The following PIK3C2G variants were observed in gnomAD, a reference collection of about 807,000 sequenced individuals.
The protein encoded by PIK3C2G is phosphatidylinositol 3-kinase C2 domain-containing subunit gamma.
A neutral mutation model predicts 181.1 loss-of-function variants in PIK3C2G; 168 were observed. That is an observed-to-expected ratio of 0.93 (90% CI 0.82 to 1.05). PIK3C2G has a LOEUF of 1.05. PIK3C2G is among the 50% of genes least tolerant of loss of function. The pLI is 0.00. For missense variants in PIK3C2G, 1,869 were observed against 1,732.8 expected, an observed-to-expected ratio of 1.08 and a Z score of -1.40; for synonymous variants, 573 against 592.2, an observed-to-expected ratio of 0.97 and a Z score of 0.47.
At chr12:18,284,643 T>C (rs1031615951) in intron 2 of PIK3C2G, among the ~76,000 whole-genome samples, 14 of 152,128 alleles carry the variant, frequency 9.2e-5, no homozygotes, top group African/African-American at 3.4e-4. Context: ...ATGGCTAGCC[T>C]AGTGATGATC....
intron 24 of PIK3C2G, among the ~76,000 whole-genome samples, chr12:18,516,067 T>A (rs1298667769): frequency 6.6e-6 from 1 of 152,126 alleles, no homozygotes; most frequent in Non-Finnish European, 1.5e-5. Flanking sequence ...TACCAGTGAT[T>A]TTAATACATT....
At position 18,316,376 on chromosome 12, in the gene PIK3C2G, T is replaced by A. The variant is rs1392231407; in HGVS notation, c.1137+2312T>A. On this transcript the variant is annotated intron_variant, in intron 6 of 32. Coordinates refer to ENST00000538779, the MANE Select transcript of PIK3C2G (RefSeq NM_001288772.2). ...TGCTGTCATCACCGTTGTTGTCATG[T>A]CCAGGGACAAGCATATTGTTATCTC... is the stretch of plus-strand genomic sequence containing the variant. Among the ~76,000 whole-genome samples, 3 of 152,212 alleles carry A rather than the reference T, an allele frequency of 2.0e-5. No individual in the cohort carries two copies. In the East Asian group the frequency reaches 5.8e-4, roughly 29 times the overall value.
chr12:18,295,778 A>G (rs1949912645), intron 5 of PIK3C2G, among the ~76,000 whole-genome samples: 1 of 151,142 alleles, frequency 6.6e-6, no homozygotes, highest in East Asian at 1.9e-4. Flanking sequence ...TAAGAGTAAT[A>G]GCCTATTTGT....
chr12:18,289,443 G>A (rs1949592991), intron 3 of PIK3C2G, among the ~76,000 whole-genome samples: 1 of 152,116 alleles, frequency 6.6e-6, no homozygotes, highest in Non-Finnish European at 1.5e-5. Flanking sequence ...GCATTGAGGA[G>A]TGTCTTATTA....
At chr12:18,643,193 T>A (rs1949928855) in intron 32 of PIK3C2G, among the ~76,000 whole-genome samples, 1 of 152,194 alleles carries the variant, frequency 6.6e-6, no homozygotes, top group Admixed American at 6.5e-5. Flanking sequence ...TAATTCTTGC[T>A]GTGCACATAA....
At chr12:18,317,570 AT>A (rs747414865) in intron 6 of PIK3C2G, among the ~76,000 whole-genome samples, 5 of 152,186 alleles carry the variant, frequency 3.3e-5, no homozygotes, top group Admixed American at 2.6e-4. Context: ...ATGAAGTCCT[AT>A]GGAGATATGT....
chr12:18,393,238 T>G (rs1943645751), intron 15 of PIK3C2G, among the ~76,000 whole-genome samples: 1 of 152,074 alleles, frequency 6.6e-6, no homozygotes, highest in African/African-American at 2.4e-5. Flanking sequence ...CTAATAACAC[T>G]CATAAAATAA....
In PIK3C2G at chr12:18,646,068, T is replaced by G. The variant is rs138203772; in HGVS notation, c.4309-1808T>G. 2.1e-4 allele frequency among the ~76,000 whole-genome samples: 32 copies of G among 152,232 alleles called. No homozygotes were observed. In the East Asian group the frequency reaches 6.2e-3, roughly 29 times the overall value. ...GTCCTAGAAAGATTTCCAGGCAGCA[T>G]TGGGCATCCAGTTGTTAAAAAGCAT... On this transcript the variant is annotated intron_variant, in intron 32 of 32. Transcript: ENST00000538779.
chr12:18,325,976 T>C (rs1355205420), intron 8 of PIK3C2G, among the ~76,000 whole-genome samples: 1 of 152,086 alleles, frequency 6.6e-6, no homozygotes, highest in Non-Finnish European at 1.5e-5. Flanking sequence ...TAGAAGGACA[T>C]TTCATTAGCC....
chr12:18,708,285 G>C, the PIK3C2G span, among the ~76,000 whole-genome samples: 1 of 151,934 alleles, frequency 6.6e-6, no homozygotes, highest in Admixed American at 6.6e-5. Flanking sequence ...ATTTCTTTCT[G>C]TGTCTGGCTT....
downstream of PIK3C2G, among the ~76,000 whole-genome samples, chr12:18,650,686 GTGTGTGTGTGTGTGTGTGTATATATC>G (rs1565602167): frequency 5.8e-3 from 255 of 43,900 alleles, 2 homozygotes; most frequent in East Asian, 0.046. Context: ...GTGTGTGTGT[GTGTGTGTGTGTGTGTGTGTATATATC>G]TATATATATA....
chr12:18,719,192 G>A, the PIK3C2G span, among the ~76,000 whole-genome samples: 2 of 152,224 alleles, frequency 1.3e-5, no homozygotes, highest in East Asian at 1.9e-4. Context: ...ATGGAGAGGA[G>A]GTTAACAGGT....
chr12:18,502,286 A>G (rs898713092), intron 22 of PIK3C2G, among the ~76,000 whole-genome samples: 2 of 152,202 alleles, frequency 1.3e-5, no homozygotes, highest in Non-Finnish European at 2.9e-5. Context: ...TCACCACCAT[A>G]ATCTACTTTA....
chr12:18,275,851 T>G (rs1413697384), intron 1 of PIK3C2G, among the ~76,000 whole-genome samples: 1 of 152,206 alleles, frequency 6.6e-6, no homozygotes, highest in Non-Finnish European at 1.5e-5. Context: ...CTTCTATTCT[T>G]GAAATCTTAC....
At chr12:18,664,231 A>G in the PIK3C2G span, among the ~76,000 whole-genome samples, 1 of 152,212 alleles carries the variant, frequency 6.6e-6, no homozygotes, top group Non-Finnish European at 1.5e-5. Flanking sequence ...TCAAAAACTT[A>G]AACATAGATT....
chr12:18,637,024 C>A (rs1487154237), intron 31 of PIK3C2G, among the ~76,000 whole-genome samples: 1 of 152,138 alleles, frequency 6.6e-6, no homozygotes, highest in Non-Finnish European at 1.5e-5. Flanking sequence ...CACTGTGAGA[C>A]AGACATGAGC....
the PIK3C2G span, among the ~76,000 whole-genome samples, chr12:18,716,051 AT>A: frequency 6.6e-6 from 1 of 152,052 alleles, no homozygotes; most frequent in African/African-American, 2.4e-5. Flanking sequence ...TGGCTTACGG[AT>A]TTATTTATGT....
the PIK3C2G span, among the ~76,000 whole-genome samples, chr12:18,691,102 A>G: frequency 5.3e-5 from 8 of 152,152 alleles, no homozygotes; most frequent in African/African-American, 1.9e-4. Context: ...GCAGCAAAAT[A>G]GGTCAGATCA....
chr12:18,687,956 C>A, the PIK3C2G span: 2 of 1,192,770 alleles, frequency 1.7e-6, no homozygotes, highest in Non-Finnish European at 2.3e-6. Context: ...TAACATTTTG[C>A]TAATTTTGGA....
Sources: gnomAD v4.1 joint callset for allele counts (sites outside exome capture counted in the v4.1 genomes callset) on GRCh38, gnomAD v4.1.1 for gene constraint, MANE v1.5 for transcripts, NCBI Gene and HGNC (gene_info 2026-07-23, HGNC 2026-07-21) for gene names.